The following FHIT variants were observed in gnomAD, a reference collection of about 807,000 sequenced individuals.
FHIT encodes bis(5'-adenosyl)-triphosphatase.
A neutral mutation model predicts 17.9 loss-of-function variants in FHIT; 19 were observed. The ratio of observed to expected loss-of-function variants is 1.06; its 90% CI spans 0.74 to 1.56. FHIT has a LOEUF of 1.56. FHIT is among the 40% of genes most tolerant of loss of function. FHIT has a pLI of 0.00. For synonymous variants in FHIT, 81 were observed against 69.7 expected (o/e 1.16, Z -0.81); for missense variants, 248 against 189.2 (o/e 1.31, Z -1.82).
intron 4 of FHIT, among the ~76,000 whole-genome samples, chr3:60,538,811 A>C (rs1381011310): frequency 6.6e-6 from 1 of 152,210 alleles, no homozygotes; most frequent in East Asian, 1.9e-4. Flanking sequence ...TAAAGACTTA[A>C]ATGTTAGACC....
At chr3:60,051,673 C>A (rs1701886253) in intron 5 of FHIT, among the ~76,000 whole-genome samples, 1 of 152,094 alleles carries the variant, frequency 6.6e-6, no homozygotes, top group Non-Finnish European at 1.5e-5. Flanking sequence ...ATATTTTGCA[C>A]CCACTGTGTA....
At chr3:61,165,613 T>A (rs2037813997) in intron 2 of FHIT, 1 of 152,282 alleles carries the variant, frequency 6.6e-6, no homozygotes. Flanking sequence ...GGTGGACAGA[T>A]CACCCAAGGT....
intron 5 of FHIT, among the ~76,000 whole-genome samples, chr3:60,263,481 T>C (rs758652324): frequency 6.6e-6 from 1 of 151,938 alleles, no homozygotes; most frequent in Non-Finnish European, 1.5e-5. Flanking sequence ...TGTAGTATAA[T>C]CATGCAACAA....
chr3:60,720,670 A>G (rs146772552), intron 4 of FHIT, among the ~76,000 whole-genome samples: 1 of 152,282 alleles, frequency 6.6e-6, no homozygotes, highest in Non-Finnish European at 1.5e-5. Flanking sequence ...CATGCACCTG[A>G]GGATTTTAAA....
chr3:60,878,477 T>C (rs1329757035), intron 3 of FHIT, among the ~76,000 whole-genome samples: 2 of 152,098 alleles, frequency 1.3e-5, no homozygotes, highest in Admixed American at 1.3e-4. Flanking sequence ...ATGTTGTCAC[T>C]GCCACTACCA....
At chr3:59,800,385 C>G (rs1028544025) in intron 8 of FHIT, among the ~76,000 whole-genome samples, 3 of 152,196 alleles carry the variant, frequency 2.0e-5, no homozygotes, top group African/African-American at 7.2e-5. Flanking sequence ...GTCTTCGCCT[C>G]ACACCTGCTT....
intron 4 of FHIT, among the ~76,000 whole-genome samples, chr3:60,567,558 T>C (rs1415462416): frequency 1.3e-5 from 2 of 152,158 alleles, no homozygotes; most frequent in Admixed American, 6.5e-5. Flanking sequence ...AAGGACTTCA[T>C]GTCCAAAACA....
intron 5 of FHIT, among the ~76,000 whole-genome samples, chr3:60,152,914 G>A (rs1319198666): frequency 3.9e-5 from 6 of 152,106 alleles, no homozygotes; most frequent in Non-Finnish European, 5.9e-5. Context: ...ATCCATTCAT[G>A]CTCATTTTGT....
intron 2 of FHIT, among the ~76,000 whole-genome samples, chr3:61,052,913 A>G (rs944578709): frequency 3.3e-5 from 5 of 152,228 alleles, no homozygotes; most frequent in Non-Finnish European, 7.3e-5. Flanking sequence ...TCATCAAGAT[A>G]TCAGACATAG....
intron 3 of FHIT, among the ~76,000 whole-genome samples, chr3:60,926,688 A>G (rs1707634356): frequency 1.3e-5 from 2 of 152,238 alleles, no homozygotes; most frequent in Admixed American, 6.5e-5. Context: ...AGCAGAAGGC[A>G]AGCAATAACT....
chr3:60,542,782 T>C (rs1559526114), intron 4 of FHIT, among the ~76,000 whole-genome samples: 1 of 152,202 alleles, frequency 6.6e-6, no homozygotes, highest in Non-Finnish European at 1.5e-5. Flanking sequence ...AATTTTCTTT[T>C]TATAGTTTGT....
rs190819895 is a variant in FHIT at position 61,148,477 on chromosome 3, G to C, written c.-164+52140C>G. On this transcript the variant is annotated intron_variant, in intron 2 of 9. Coordinates refer to ENST00000492590, the MANE Select transcript of FHIT (RefSeq NM_002012.4). ...TACAGTATGCATTCTTTTGTTTGTG[G>C]CTTCTTTTGGCAACATAATGCTTTC... 2.0e-5 allele frequency among the ~76,000 whole-genome samples: 3 copies of C among 152,138 alleles called. No individual in the cohort carries two copies. The East Asian group carries it at 5.8e-4, about 29-fold the overall frequency.
chr3:60,835,316 GT>G (rs1702497480), intron 3 of FHIT, among the ~76,000 whole-genome samples: 3 of 152,056 alleles, frequency 2.0e-5, no homozygotes, highest in Non-Finnish European at 2.9e-5. Context: ...AATTTGGGAA[GT>G]ATCGGTATCT....
chr3:59,977,321 T>C (rs1708458129), intron 7 of FHIT, among the ~76,000 whole-genome samples: 1 of 152,090 alleles, frequency 6.6e-6, no homozygotes. Context: ...CTTGGAAGGC[T>C]CTCCTAGCAA....
intron 5 of FHIT, among the ~76,000 whole-genome samples, chr3:60,077,992 A>T (rs1480753654): frequency 6.6e-6 from 1 of 152,020 alleles, no homozygotes; most frequent in Non-Finnish European, 1.5e-5. Context: ...ATTTATTTTT[A>T]AAAAAATGGG....
chr3:60,418,557 CTTTTTTT>C (rs11452248), intron 5 of FHIT, among the ~76,000 whole-genome samples: 3 of 95,194 alleles, frequency 3.2e-5, no homozygotes, highest in Admixed American at 2.5e-4. Flanking sequence ...TCCCTCCCAA[CTTTTTTT>C]TTTTTTTTTT....
chr3:60,188,231 A>G (rs1050497248), intron 5 of FHIT, among the ~76,000 whole-genome samples: 5 of 99,192 alleles, frequency 5.0e-5, no homozygotes, highest in African/African-American at 1.9e-4. Context: ...TTTTTTTACC[A>G]TTATTACATT....
intron 4 of FHIT, among the ~76,000 whole-genome samples, chr3:60,560,802 G>GACACAC (rs71092614): frequency 3.5e-4 from 45 of 128,954 alleles, no homozygotes; most frequent in East Asian, 9.5e-4. Context: ...GATGTAAGGA[G>GACACAC]ACACACACAC....
intron 5 of FHIT, among the ~76,000 whole-genome samples, chr3:60,051,317 T>G (rs1048570088): frequency 6.9e-6 from 1 of 145,424 alleles, no homozygotes; most frequent in African/African-American, 2.5e-5. Context: ...GAAAGCCTAA[T>G]TTAGGATGCT....
Sources: gnomAD v4.1 joint callset for allele counts (sites outside exome capture counted in the v4.1 genomes callset) on GRCh38, gnomAD v4.1.1 for gene constraint, MANE v1.5 for transcripts, NCBI Gene and HGNC (gene_info 2026-07-23, HGNC 2026-07-21) for gene names.